ABCA10: variants seen among roughly 807,000 people sequenced by gnomAD.
The protein encoded by ABCA10 is ATP binding cassette subfamily A member 10, also known as ATP-binding cassette sub-family A member 10.
A neutral mutation model predicts 187.5 loss-of-function variants in ABCA10; 169 were observed. The ratio of observed to expected loss-of-function variants is 0.90; its 90% confidence interval spans 0.80 to 1.02. The LOEUF is 1.02. ABCA10 is among the 50% of genes least tolerant of loss of function. The probability of loss-of-function intolerance (pLI) is 0.00; values close to 1 mark genes in which losing one functional copy is unlikely to be tolerated. For missense variants in ABCA10, 1,727 were observed against 1,812.4 expected (o/e 0.95, Z 0.86); for synonymous variants, 574 against 601.8 (o/e 0.95, Z 0.68).
chr17:69,209,672 A>T (rs1433608018), intron 9 of ABCA10, among the ~76,000 whole-genome samples: 1 of 151,864 alleles, frequency 6.6e-6, no homozygotes, highest in Non-Finnish European at 1.5e-5. Context: ...TTATGGAGCT[A>T]AATAAGTACA....
chr17:69,167,776 T>C (rs918570308), intron 25 of ABCA10, among the ~76,000 whole-genome samples: 10 of 152,184 alleles, frequency 6.6e-5, no homozygotes, highest in African/African-American at 2.4e-4. Flanking sequence ...TGGAATCTTC[T>C]ATGATACAGG....
At chr17:69,215,719 G>A (rs2074698408) in intron 8 of ABCA10, 96 bp downstream of exon 8, 3 of 1,181,148 alleles carry the variant, frequency 2.5e-6, no homozygotes, top group East Asian at 3.0e-5. Context: ...AAAACACAGA[G>A]TGGCTGATTA....
rs150463245 is a variant in ABCA10 at position 69,237,241 on chromosome 17, T to C, written c.-593+7288A>G. ...AGAAAGAAAACCCTAAACGTAGCCT[T>C]AGGGCAGAGCAAAATGTATACTTTT... On this transcript the variant is annotated intron_variant, in intron 1 of 39. Coordinates refer to the ABCA10 transcript ENST00000269081. 3.1e-3 allele frequency among the ~76,000 whole-genome samples: 475 copies of C among 152,334 alleles called. 2 individuals carry two copies. The highest frequency in any genetic ancestry group is 5.1e-3 in the Non-Finnish European group (350 of 68,016).
chr17:69,234,169 G>A (rs1598132156), intron 1 of ABCA10: 2 of 152,390 alleles, frequency 1.3e-5, no homozygotes, highest in Non-Finnish European at 2.9e-5. Flanking sequence ...AACTGAGGCT[G>A]GCTTCCCTCA....
intron 3 of ABCA10, among the ~76,000 whole-genome samples, chr17:69,224,605 G>A (rs2074778192): frequency 6.6e-6 from 1 of 150,602 alleles, no homozygotes; most frequent in African/African-American, 2.4e-5. Context: ...TTTATGAGAT[G>A]CATACATCAA....
At chr17:69,192,308 C>CA (rs1453456631) in intron 16 of ABCA10, among the ~76,000 whole-genome samples, 1 of 100,742 alleles carries the variant, frequency 9.9e-6, no homozygotes, top group African/African-American at 4.4e-5. Flanking sequence ...ACTGTGTCTT[C>CA]AAAAAAACAA....
Position 69,214,842 on chromosome 17 carries a change from G to A in ABCA10, c.868C>T (p.Leu290=). Reference sequence around the variant, plus strand: ...ATAACACCACTTAAGTAATTATCCAGGTGTGTAATCTGAGATTTAAAAGAA... The same window carrying A: ...ATAACACCACTTAAGTAATTATCCAAGTGTGTAATCTGAGATTTAAAAGAA... ...FTAGMAQITH[L]DNYLSGVIFP... The change falls in exon 9 of 39, where the codon CTG becomes TTG. Residue 290 remains leucine, a synonymous_variant. Coordinates refer to ENST00000690296, the MANE Select transcript of ABCA10 (RefSeq NM_001377321.1). 1.3e-6 allele frequency: 2 copies of A among 1,493,832 alleles called. No homozygotes were observed. The highest frequency in any genetic ancestry group is 1.8e-6 in the Non-Finnish European group (2 of 1,125,176). The allele number at this position is 1,493,832 out of a possible 1,614,324, so 92.5% of individuals were successfully genotyped here.
In ABCA10 at chr17:69,155,868, A is replaced by G. The variant is rs151287590; in HGVS notation, c.3513T>C (p.Asp1171=). 82 of 1,613,648 alleles carry G rather than the reference A, an allele frequency of 5.1e-5. 1 individual carries two copies. In the African/African-American group the frequency reaches 1.1e-3, roughly 21 times the overall value. ...HPNPEEPEEE[D]EDVQAERVQA... ...GGACTCTTTCAGCTTGAACATCTTC[A>G]TCTTCTTCTTCGGGCTCTTCCGGAT... is the stretch of plus-strand genomic sequence containing the variant. Residue 1171 remains aspartate, a synonymous_variant, in exon 29 of 39, where the codon GAT becomes GAC. Transcript: ENST00000690296.
rs973873582 is a variant in ABCA10, at chr17:69,166,441, T to C, written c.3163-1358A>G. On this transcript the variant is annotated intron_variant, in intron 25 of 38. Coordinates refer to ENST00000690296, the MANE Select transcript of ABCA10 (RefSeq NM_001377321.1). ...ATAAATAAATCCAGTGTAAGGACCA[T>C]TGTAAAATAAGAAAAGGATATTTAT... 5.3e-5 allele frequency among the ~76,000 whole-genome samples: 8 copies of C among 152,114 alleles called. No homozygotes were observed. In the East Asian group the frequency reaches 5.8e-4, roughly 11 times the overall value.
chr17:69,163,897 TA>T (rs760604092), intron 27 of ABCA10, among the ~76,000 whole-genome samples, 176 bp downstream of exon 27: 14 of 152,340 alleles, frequency 9.2e-5, no homozygotes, highest in Non-Finnish European at 1.8e-4. Context: ...GTATGTATTA[TA>T]TTATCTGTGA....
At chr17:69,235,898 C>G (rs998094744) in intron 1 of ABCA10, among the ~76,000 whole-genome samples, 6 of 152,144 alleles carry the variant, frequency 3.9e-5, no homozygotes, top group Admixed American at 6.5e-5. Flanking sequence ...AGCACAGTTA[C>G]AACTCTGAAT....
intron 27 of ABCA10, among the ~76,000 whole-genome samples, 163 bp downstream of exon 27, chr17:69,163,911 C>T (rs2074236797): frequency 6.6e-6 from 1 of 152,034 alleles, no homozygotes; most frequent in African/African-American, 2.4e-5. Context: ...ATCTGTGAAT[C>T]TATTTTAAAA....
In ABCA10 at chr17:69,158,004, G is replaced by A. The variant is rs1038536948; in HGVS notation, c.3364-1081C>T. On this transcript the variant is annotated intron_variant, in intron 27 of 38. Coordinates refer to ENST00000690296, the MANE Select transcript of ABCA10 (RefSeq NM_001377321.1). ...AATAAATTAATCATTCTTAACAGAGGCTCACAGGCTTTGAGAAGATTCCAG... is the reference window on the plus strand; with the variant it reads ...AATAAATTAATCATTCTTAACAGAGACTCACAGGCTTTGAGAAGATTCCAG... Among the ~76,000 whole-genome samples, 6 of 151,778 alleles carry A rather than the reference G, an allele frequency of 4.0e-5. No homozygotes were observed. In the South Asian group the frequency reaches 1.2e-3, roughly 32 times the overall value.
chr17:69,219,537 T>A lies in ABCA10; in HGVS notation c.530+8A>T. 2 of 1,544,656 alleles carry A rather than the reference T, an allele frequency of 1.3e-6. No homozygotes were observed. On this transcript the variant is annotated splice_region_variant and intron_variant, in intron 6 of 38. Coordinates refer to ENST00000690296, the MANE Select transcript of ABCA10 (RefSeq NM_001377321.1). ...TATGATATACAGTAAAGTAGCAACT[T>A]AACTTACCAGAATGCTGACTCTCGG...
intron 6 of ABCA10, among the ~76,000 whole-genome samples, chr17:69,219,293 G>T (rs2074728025): frequency 6.6e-6 from 1 of 152,140 alleles, no homozygotes; most frequent in African/African-American, 2.4e-5. Context: ...TGAGGTCGTG[G>T]GGTTTGGGGT....
chr17:69,182,835 G>GAAAAAAAAAAA (rs60708995), intron 20 of ABCA10, 27 bp from the exon 21 acceptor site: 3 of 1,326,462 alleles, frequency 2.3e-6, no homozygotes, highest in Non-Finnish European at 1.0e-6. Flanking sequence ...AAGGCAACAA[G>GAAAAAAAAAAA]AAAAAAAAAA....
intron 1 of ABCA10, among the ~76,000 whole-genome samples, chr17:69,240,570 G>A (rs1305929673): frequency 6.6e-6 from 1 of 152,204 alleles, no homozygotes; most frequent in Non-Finnish European, 1.5e-5. Context: ...GGTTGGTACA[G>A]TGAAATGCAA....
At position 69,210,181 on chromosome 17, in the gene ABCA10, T is replaced by TTTTTTC. The variant is rs1302357385; in HGVS notation, c.1006+4522_1006+4523insGAAAAA. ...TTTAGTGGTTATTTCTTTTTTTTTT[T>TTTTTTC]TTTTTTTTTTTTTTTTTTTGAGACG... is the stretch of plus-strand genomic sequence containing the variant. On this transcript the variant is annotated intron_variant, in intron 9 of 38. Transcript: ENST00000690296. Among the ~76,000 whole-genome samples, 790 of 95,520 alleles carry TTTTTTC rather than the reference T, an allele frequency of 8.3e-3. 24 individuals are homozygous for TTTTTTC. Among genetic ancestry groups the TTTTTTC allele is most frequent in the African/African-American group, 0.041 (750 of 18,466 alleles). 62.7% of individuals were successfully genotyped at this position (95,520 alleles called of 152,430 possible). A position where few individuals can be genotyped will look rare whatever the true frequency, so the allele number is the denominator to read the frequency against.
chr17:69,193,012 T>C (rs2074472604), intron 15 of ABCA10, 98 bp downstream of exon 15: 3 of 1,477,298 alleles, frequency 2.0e-6, no homozygotes, highest in African/African-American at 2.8e-5. Flanking sequence ...GCAAATAAAC[T>C]GCAAACAAGA....
Sources: gnomAD v4.1 joint callset for allele counts (sites outside exome capture counted in the v4.1 genomes callset) on GRCh38, gnomAD v4.1.1 for gene constraint, MANE v1.5 for transcripts, NCBI Gene and HGNC (gene_info 2026-07-23, HGNC 2026-07-21) for gene names.